Variants in GRK5 observed in about 807,000 individuals in gnomAD.
The protein encoded by GRK5 is g protein-coupled receptor kinase GRK5.
A neutral mutation model predicts 78.4 loss-of-function variants in GRK5; 40 were observed. That is an observed-to-expected ratio of 0.51 (90% confidence interval 0.40 to 0.66). The LOEUF is 0.66. GRK5 is among the 30% of genes least tolerant of loss of function. The pLI is 0.00. For missense variants in GRK5, 598 were observed against 759.9 expected (o/e 0.79, Z 2.50); for synonymous variants, 289 against 296.8 (o/e 0.97, Z 0.27).
At chr10:119,351,032 G>A (rs1446877553) in intron 2 of GRK5, among the ~76,000 whole-genome samples, 1 of 152,350 alleles carries the variant, frequency 6.6e-6, no homozygotes, top group East Asian at 1.9e-4. Flanking sequence ...CCCTCAGGGA[G>A]CCTAGTCAGT....
chr10:119,392,428 C>A (rs115396060), intron 3 of GRK5, among the ~76,000 whole-genome samples: 1 of 152,248 alleles, frequency 6.6e-6, no homozygotes, highest in African/African-American at 2.4e-5. Flanking sequence ...GACCTGAGTT[C>A]TGGGCAGGGA....
intron 1 of GRK5, among the ~76,000 whole-genome samples, chr10:119,241,059 A>G (rs191229885): frequency 7.9e-4 from 120 of 152,284 alleles, no homozygotes; most frequent in Non-Finnish European, 1.6e-3. Flanking sequence ...ACCGTGGACT[A>G]TTGCAAAGGG....
chr10:119,434,446 T>TA (rs1852881548), intron 8 of GRK5, among the ~76,000 whole-genome samples: 1 of 152,300 alleles, frequency 6.6e-6, no homozygotes, highest in Admixed American at 6.5e-5. Flanking sequence ...ATTGGGTAAA[T>TA]ACAGCTGTTC....
In GRK5 at chr10:119,396,739, G is replaced by A. The variant is rs774654786; in HGVS notation, c.306G>A (p.Gly102=). 29 of 1,613,770 alleles carry A rather than the reference G, an allele frequency of 1.8e-5. No individual in the cohort carries two copies. The African/African-American group carries it at 3.7e-4, about 21-fold the overall frequency. The change falls in exon 4 of 16, where the codon GGG becomes GGA. Residue 102 remains glycine (G), a synonymous_variant. Transcript: ENST00000392870. ...CAGATGAAAAACTGGGAGAGAAAGG[G>A]AAGGAAATTATGACCAAGTACCTCA... ...VTPDEKLGEK[G]KEIMTKYLTP... is the part of the protein sequence containing the mutation.
At chr10:119,450,740 C>T (rs1336776946) in intron 13 of GRK5, among the ~76,000 whole-genome samples, 4 of 152,050 alleles carry the variant, frequency 2.6e-5, no homozygotes, top group Non-Finnish European at 5.9e-5. Context: ...GTAGCAGAGC[C>T]CCGCAAAGCG....
At chr10:119,324,750 A>G (rs1016686763) in intron 1 of GRK5, among the ~76,000 whole-genome samples, 1 of 152,248 alleles carries the variant, frequency 6.6e-6, no homozygotes, top group African/African-American at 2.4e-5. Flanking sequence ...GTTTATATGT[A>G]CATGAAATGT....
rs1172781743 is a variant in GRK5, at chr10:119,414,780, GC to G, written c.340-8385del. On this transcript the variant is annotated intron_variant, in intron 4 of 15. Transcript: ENST00000392870. ...AGGACCTGGCATATCATAAGTGGGT[GC>G]TCAAGAAAAGGCAATGATGGCCGGG... is the stretch of plus-strand genomic sequence containing the variant. Among the ~76,000 whole-genome samples, 3 of 152,058 alleles carry G rather than the reference GC, an allele frequency of 2.0e-5. No homozygotes were observed. The East Asian group carries it at 5.8e-4, about 29-fold the overall frequency.
chr10:119,218,749 A>G (rs567450768), intron 1 of GRK5, among the ~76,000 whole-genome samples: 113 of 152,156 alleles, frequency 7.4e-4, no homozygotes, highest in African/African-American at 2.7e-3. Context: ...TGATGCCACT[A>G]CCCCTGCTGT....
rs1852126639 is a variant in GRK5, at chr10:119,400,273, GC to G, written c.339+3502del. Reference sequence around the variant, plus strand: ...CTCAGGGAAGTGTGGGGTCAGGTGAGCTAGAGGACGCTTCCAGGAGGTGATG... The same window carrying G: ...CTCAGGGAAGTGTGGGGTCAGGTGAGTAGAGGACGCTTCCAGGAGGTGATG... On this transcript the variant is annotated intron_variant, in intron 4 of 15. Coordinates refer to ENST00000392870, the MANE Select transcript of GRK5 (RefSeq NM_005308.3). 3.3e-5 allele frequency among the ~76,000 whole-genome samples: 5 copies of G among 152,344 alleles called. No homozygotes were observed. In the South Asian group the frequency reaches 1.0e-3, roughly 32 times the overall value.
chr10:119,352,593 T>G, intron 2 of GRK5, among the ~76,000 whole-genome samples: 1 of 146,808 alleles, frequency 6.8e-6, no homozygotes. Flanking sequence ...GCCTCTGGAG[T>G]GGCCCCAATA....
intron 1 of GRK5, among the ~76,000 whole-genome samples, chr10:119,229,230 T>A (rs1848787803): frequency 6.6e-6 from 1 of 152,138 alleles, no homozygotes; most frequent in African/African-American, 2.4e-5. Flanking sequence ...TTGGGGTTTA[T>A]AAAAAACCCT....
intron 1 of GRK5, among the ~76,000 whole-genome samples, chr10:119,316,768 C>T (rs1589740677): frequency 6.6e-6 from 1 of 152,172 alleles, no homozygotes; most frequent in East Asian, 1.9e-4. Context: ...CTCACCCAGG[C>T]CTCAGTGTCT....
intron 4 of GRK5, chr10:119,406,380 G>A: frequency 1.2e-6 from 1 of 812,860 alleles, no homozygotes; most frequent in Non-Finnish European, 1.5e-6. Context: ...CCATGGCCCT[G>A]GTCCTGCTTA....
At chr10:119,406,509 G>A in intron 4 of GRK5, 2 of 983,374 alleles carry the variant, frequency 2.0e-6, no homozygotes, top group Non-Finnish European at 2.4e-6. Flanking sequence ...CTGGGGCTTG[G>A]GGTCCCAGAC....
At chr10:119,436,283 A>G (rs1482660771) in intron 8 of GRK5, among the ~76,000 whole-genome samples, 1 of 152,238 alleles carries the variant, frequency 6.6e-6, no homozygotes, top group Non-Finnish European at 1.5e-5. Context: ...CAAAAGGGCA[A>G]GTGAGCCCTG....
intron 1 of GRK5, among the ~76,000 whole-genome samples, chr10:119,320,645 G>C (rs1186387769): frequency 6.6e-6 from 1 of 152,228 alleles, no homozygotes; most frequent in Non-Finnish European, 1.5e-5. Flanking sequence ...CATTCGGAAA[G>C]GTAGGAAGAA....
chr10:119,341,024 C>A (rs1046513529), intron 2 of GRK5, among the ~76,000 whole-genome samples: 1 of 152,174 alleles, frequency 6.6e-6, no homozygotes, highest in African/African-American at 2.4e-5. Flanking sequence ...CCCAGAGCTG[C>A]CCCTCCCCTC....
chr10:119,353,934 T>TG (rs2133801341), intron 2 of GRK5, among the ~76,000 whole-genome samples: 1 of 132,874 alleles, frequency 7.5e-6, no homozygotes, highest in African/African-American at 3.1e-5. Context: ...TTTTCTTTCT[T>TG]TTTTTTTTTT....
At position 119,452,498 on chromosome 10, in the gene GRK5, T is replaced by TC; in HGVS notation, c.1405-169dup. 1 of 661,748 alleles carries TC rather than the reference T, an allele frequency of 1.5e-6. No individual in the cohort carries two copies. The highest frequency in any genetic ancestry group is 2.8e-5 in the East Asian group (1 of 35,274). The allele number at this position is 661,748 out of a possible 1,614,324, so 41.0% of individuals were successfully genotyped here. ...CAGCCAAGCCACTGGGGCCGACCCC[T>TC]CCCCTGGACTCACCTGCATCTGAGC... On this transcript the variant is annotated intron_variant, in intron 13 of 15. Coordinates refer to ENST00000392870, the MANE Select transcript of GRK5 (RefSeq NM_005308.3). This position sits in a 1 kb window ranked among gnomAD's most constrained non-coding sequence, Gnocchi z 4.4.
Sources: allele counts gnomAD v4.1 joint callset (sites outside exome capture counted in the v4.1 genomes callset), GRCh38; gene constraint gnomAD v4.1.1; non-coding constraint Gnocchi (gnomAD v3.1); transcripts MANE v1.5; gene names NCBI Gene and HGNC (gene_info 2026-07-23, HGNC 2026-07-21).